DNER: variants seen among roughly 807,000 people sequenced by gnomAD.
DNER encodes the protein delta and Notch-like epidermal growth factor-related receptor.
DNER carries 33 observed loss-of-function variants against 78.2 expected under a neutral mutation model. That is an observed-to-expected ratio of 0.42 (90% confidence interval 0.32 to 0.56). The LOEUF is 0.56. DNER is among the 20% of genes least tolerant of loss of function. The pLI is 0.11. For missense variants in DNER, 918 were observed against 975.3 expected, an observed-to-expected ratio of 0.94 and a Z score of 0.78; for synonymous variants, 417 against 384.8, an observed-to-expected ratio of 1.08 and a Z score of -0.98.
At chr2:229,688,982 C>T (rs1699527274) in intron 1 of DNER, among the ~76,000 whole-genome samples, 1 of 152,166 alleles carries the variant, frequency 6.6e-6, no homozygotes, top group Non-Finnish European at 1.5e-5. Flanking sequence ...CACAATGGGG[C>T]CTGTCATGGA....
At chr2:229,393,841 C>T (rs538687085) in intron 10 of DNER, among the ~76,000 whole-genome samples, 14 of 151,274 alleles carry the variant, frequency 9.3e-5, no homozygotes, top group East Asian at 3.9e-4. Context: ...AGCGAGACTC[C>T]GTCTCAAAAC....
intron 6 of DNER, among the ~76,000 whole-genome samples, chr2:229,497,518 T>A (rs1005903574): frequency 6.6e-6 from 1 of 151,704 alleles, no homozygotes; most frequent in Non-Finnish European, 1.5e-5. Context: ...TTGTTTTTTT[T>A]AAAGATAAAT....
At chr2:229,487,000 C>T (rs1223372508) in intron 6 of DNER, among the ~76,000 whole-genome samples, 3 of 152,162 alleles carry the variant, frequency 2.0e-5, no homozygotes, top group Non-Finnish European at 4.4e-5. Context: ...TAGAAGCAAG[C>T]AATCTTTTAA....
chr2:229,560,495 T>C (rs1574902894), intron 4 of DNER, among the ~76,000 whole-genome samples: 1 of 152,108 alleles, frequency 6.6e-6, no homozygotes, highest in South Asian at 2.1e-4. Context: ...GGATTTTGCA[T>C]TAACTCGGAG....
chr2:229,436,589 C>T (rs1368536468), intron 8 of DNER, among the ~76,000 whole-genome samples: 1 of 152,152 alleles, frequency 6.6e-6, no homozygotes. Flanking sequence ...ATCAGACTAA[C>T]AGCAGACCTG....
intron 3 of DNER, chr2:229,586,874 G>T: frequency 1.0e-6 from 1 of 985,526 alleles, no homozygotes; most frequent in Non-Finnish European, 1.2e-6. Context: ...GGCTCCTGGC[G>T]TGCAGCAGGG....
At chr2:229,419,566 A>C (rs889986269) in intron 8 of DNER, among the ~76,000 whole-genome samples, 1 of 152,228 alleles carries the variant, frequency 6.6e-6, no homozygotes, top group African/African-American at 2.4e-5. Context: ...CTATCATAAA[A>C]GTAGGTTAAG....
At chr2:229,696,008 C>T (rs1378737901) in intron 1 of DNER, among the ~76,000 whole-genome samples, 1 of 152,142 alleles carries the variant, frequency 6.6e-6, no homozygotes, top group East Asian at 1.9e-4. Flanking sequence ...ACCCAGTTTG[C>T]ACTCCTTTCT....
At chr2:229,452,158 A>T (rs112992200) in intron 7 of DNER, among the ~76,000 whole-genome samples, 218 of 152,300 alleles carry the variant, frequency 1.4e-3, no homozygotes, top group African/African-American at 4.9e-3. Flanking sequence ...AATTATAGGC[A>T]ATGTGGAGAG....
intron 1 of DNER, among the ~76,000 whole-genome samples, chr2:229,665,294 A>C (rs1238585129): frequency 2.6e-5 from 4 of 152,160 alleles, no homozygotes; most frequent in African/African-American, 9.7e-5. Context: ...AGCAGAAAGA[A>C]AGCCATAGTG....
At chr2:229,425,884 T>C (rs149362734) in intron 8 of DNER, among the ~76,000 whole-genome samples, 9 of 152,298 alleles carry the variant, frequency 5.9e-5, no homozygotes, top group African/African-American at 2.2e-4. Flanking sequence ...GGGGAGGTCA[T>C]GCCACTCACT....
chr2:229,697,042 C>T (rs565738509), intron 1 of DNER, among the ~76,000 whole-genome samples: 5 of 152,184 alleles, frequency 3.3e-5, no homozygotes, highest in East Asian at 3.9e-4. Context: ...CACACTTGTA[C>T]GAGCACATTC....
chr2:229,372,531 C>A (rs1378488233), intron 11 of DNER, among the ~76,000 whole-genome samples: 1 of 152,124 alleles, frequency 6.6e-6, no homozygotes, highest in East Asian at 1.9e-4. Flanking sequence ...CAGAGAGTGG[C>A]TGCAGCAAGG....
At chr2:229,451,406 G>C (rs866870205) in intron 7 of DNER, among the ~76,000 whole-genome samples, 1 of 152,192 alleles carries the variant, frequency 6.6e-6, no homozygotes, top group African/African-American at 2.4e-5. Flanking sequence ...GCAGTGAGCC[G>C]AGATAGTGCC....
At chr2:229,459,395 A>G (rs1181100459) in intron 7 of DNER, among the ~76,000 whole-genome samples, 1 of 152,172 alleles carries the variant, frequency 6.6e-6, no homozygotes, top group Non-Finnish European at 1.5e-5. Flanking sequence ...ACTAGTAGAA[A>G]TAGAAGAAGA....
At chr2:229,470,485 A>G (rs974038293) in intron 7 of DNER, among the ~76,000 whole-genome samples, 1 of 147,048 alleles carries the variant, frequency 6.8e-6, no homozygotes, top group Non-Finnish European at 1.5e-5. Flanking sequence ...AGAAACTGCT[A>G]TGCAAAAAAT....
At chr2:229,536,648 C>A (rs571257719) in intron 5 of DNER, among the ~76,000 whole-genome samples, 6 of 152,200 alleles carry the variant, frequency 3.9e-5, no homozygotes, top group African/African-American at 7.2e-5. Flanking sequence ...CCAAAGCGAT[C>A]ATTTTCTGCT....
At chr2:229,450,757 C>A (rs143585232) in intron 7 of DNER, among the ~76,000 whole-genome samples, 90 of 152,270 alleles carry the variant, frequency 5.9e-4, no homozygotes, top group African/African-American at 2.2e-3. Context: ...AGAGAGGCCT[C>A]AGAAAAAATC....
At chr2:229,513,875 T>A (rs543534107) in intron 5 of DNER, among the ~76,000 whole-genome samples, 1 of 152,026 alleles carries the variant, frequency 6.6e-6, no homozygotes, top group Admixed American at 6.6e-5. Context: ...CCAGCCATTA[T>A]CCCCTCACCC....
Sources: gnomAD v4.1 joint callset for allele counts (sites outside exome capture counted in the v4.1 genomes callset) on GRCh38, gnomAD v4.1.1 for gene constraint, MANE v1.5 for transcripts, NCBI Gene and HGNC (gene_info 2026-07-23, HGNC 2026-07-21) for gene names.